The following ZFHX3 variants were observed in gnomAD, a reference collection of about 807,000 sequenced individuals.
The protein encoded by ZFHX3 is zinc finger homeobox protein 3.
ZFHX3 carries 42 observed loss-of-function variants against 279.1 expected under a neutral mutation model. That is an observed-to-expected ratio of 0.15 (90% CI 0.12 to 0.19). The LOEUF is 0.19. ZFHX3 is among the 10% of genes least tolerant of loss of function. The probability of loss-of-function intolerance (pLI) is 1.00; values close to 1 mark genes in which losing one functional copy is unlikely to be tolerated. For missense variants in ZFHX3, 4,981 were observed against 4,754.0 expected, an observed-to-expected ratio of 1.05 and a Z score of -1.40; for synonymous variants, 2,293 against 1,957.8, an observed-to-expected ratio of 1.17 and a Z score of -4.52.
rs188643029 is a variant in ZFHX3 at position 73,125,263 on chromosome 16, T to C, written c.-897+5705A>G. 8.9e-4 allele frequency: 130 copies of C among 146,250 alleles called. 1 individual carries two copies. The highest frequency in any genetic ancestry group is 3.0e-3 in the African/African-American group (116 of 39,108). 9.1% of individuals were successfully genotyped at this position (146,250 alleles called of 1,614,324 possible). ...ACTCATGGAGGAGGTCTGCTTTGAGTTGTGGCTTGGAGAGATGAAGAAAAT... is the reference window on the plus strand; with the variant it reads ...ACTCATGGAGGAGGTCTGCTTTGAGCTGTGGCTTGGAGAGATGAAGAAAAT... On this transcript the variant is annotated intron_variant, in intron 7 of 17. Transcript: ENST00000641206.
exon 1 of ZFHX3, chr16:73,058,912 C>A (rs899174102): frequency 5.1e-5 from 8 of 156,364 alleles, no homozygotes; most frequent in African/African-American, 1.6e-4. Context: ...AATTGGGATG[C>A]AAAGCAGGCG....
chr16:72,927,787 G>A (rs1472960758), intron 3 of ZFHX3, among the ~76,000 whole-genome samples: 1 of 152,044 alleles, frequency 6.6e-6, no homozygotes, highest in Non-Finnish European at 1.5e-5. Context: ...CCTCCGGAGT[G>A]TACACTAACC....
At chr16:73,547,210 G>A (rs895756813) in intron 2 of ZFHX3, among the ~76,000 whole-genome samples, 6 of 151,890 alleles carry the variant, frequency 4.0e-5, no homozygotes, top group African/African-American at 9.7e-5. Context: ...CCTGCACATC[G>A]GCTATGGTAC....
chr16:73,248,598 T>C (rs1452765082), intron 5 of ZFHX3, among the ~76,000 whole-genome samples: 2 of 151,590 alleles, frequency 1.3e-5, no homozygotes, highest in African/African-American at 4.9e-5. Flanking sequence ...TGTGTGTATG[T>C]CCTGTGTATG....
intron 5 of ZFHX3, among the ~76,000 whole-genome samples, chr16:73,215,651 G>A (rs146627534): frequency 6.6e-6 from 1 of 152,196 alleles, no homozygotes; most frequent in East Asian, 1.9e-4. Context: ...ACAAACTGCT[G>A]TGTTTTCTCC....
chr16:73,718,944 TC>T (rs1163170555), intron 1 of ZFHX3, among the ~76,000 whole-genome samples: 1 of 152,134 alleles, frequency 6.6e-6, no homozygotes, highest in Admixed American at 6.6e-5. Context: ...AAACCAGCCC[TC>T]CTCCGTCAGA....
At chr16:73,742,468 C>G (rs1330261344) in intron 1 of ZFHX3, among the ~76,000 whole-genome samples, 1 of 152,190 alleles carries the variant, frequency 6.6e-6, no homozygotes, top group Non-Finnish European at 1.5e-5. Context: ...TAGAAGATAA[C>G]TGGATGGGTG....
At chr16:72,929,285 T>C (rs1420962688) in intron 3 of ZFHX3, among the ~76,000 whole-genome samples, 2 of 151,462 alleles carry the variant, frequency 1.3e-5, no homozygotes, top group Non-Finnish European at 2.9e-5. Flanking sequence ...AAATTCTTAC[T>C]GCTTAACTCC....
In ZFHX3 at chr16:73,549,424, G is replaced by A. The variant is rs570538760; in HGVS notation, c.-1546-93166C>T. Among the ~76,000 whole-genome samples, 380 of 152,104 alleles carry A rather than the reference G, an allele frequency of 2.5e-3. 1 individual carries two copies. The highest frequency in any genetic ancestry group is 8.7e-3 in the African/African-American group (360 of 41,526). On this transcript the variant is annotated intron_variant, in intron 2 of 17. Transcript: ENST00000641206. Reference sequence around the variant, plus strand: ...TTTTCTTTAATGTCAGGAAGAAAACGGCAGTCATGATAGGAAGACAATATT... The same window carrying A: ...TTTTCTTTAATGTCAGGAAGAAAACAGCAGTCATGATAGGAAGACAATATT...
intron 4 of ZFHX3, among the ~76,000 whole-genome samples, chr16:73,271,897 A>G (rs780276183): frequency 6.6e-6 from 1 of 152,176 alleles, no homozygotes; most frequent in Admixed American, 6.5e-5. Flanking sequence ...GGGTTCTTAG[A>G]GGGGAGAGAC....
At chr16:73,662,333 C>T (rs1210188382) in intron 2 of ZFHX3, among the ~76,000 whole-genome samples, 5 of 152,086 alleles carry the variant, frequency 3.3e-5, no homozygotes, top group Admixed American at 2.6e-4. Context: ...TTTTTTCTCT[C>T]TCACGCAGAA....
At position 73,367,007 on chromosome 16, in the gene ZFHX3, G is replaced by A. The variant is rs72799424; in HGVS notation, c.-1290-48671C>T. Among the ~76,000 whole-genome samples, 1,143 of 151,846 alleles carry A rather than the reference G, an allele frequency of 7.5e-3. 3 individuals carry two copies. Among genetic ancestry groups the A allele is most frequent in the Middle Eastern group, 0.034 (10 of 294 alleles). On this transcript the variant is annotated intron_variant, in intron 3 of 17. Transcript: ENST00000641206. ...AGGACTTTGCTCTGCAGGATTCAAC[G>A]CTGACACACTCATACACACTCACAC...
At chr16:72,894,879 G>A (rs2038859505) in intron 3 of ZFHX3, among the ~76,000 whole-genome samples, 1 of 152,120 alleles carries the variant, frequency 6.6e-6, no homozygotes, top group Non-Finnish European at 1.5e-5. Flanking sequence ...TGGGGAGGAG[G>A]GCAACCGGGT....
intron 1 of ZFHX3, among the ~76,000 whole-genome samples, chr16:73,716,226 GA>G (rs34934915): frequency 0.72 from 108,431 of 150,924 alleles, 39,363 homozygotes; most frequent in East Asian, 0.8. Flanking sequence ...TAAACTTACA[GA>G]AAAAAAAAAT....
At chr16:73,026,408 A>T (rs1038865183) in intron 1 of ZFHX3, among the ~76,000 whole-genome samples, 2 of 151,940 alleles carry the variant, frequency 1.3e-5, no homozygotes, top group African/African-American at 4.8e-5. Flanking sequence ...ATAGTGGCTC[A>T]CGCCTGTAAT....
intron 2 of ZFHX3, among the ~76,000 whole-genome samples, chr16:73,598,610 G>C (rs1020127975): frequency 6.6e-6 from 1 of 151,968 alleles, no homozygotes; most frequent in Non-Finnish European, 1.5e-5. Context: ...TGTAGAGTCA[G>C]AGTCTCTCTG....
At chr16:73,486,372 AC>A (rs1295473775) in intron 2 of ZFHX3, among the ~76,000 whole-genome samples, 1 of 152,168 alleles carries the variant, frequency 6.6e-6, no homozygotes, top group Non-Finnish European at 1.5e-5. Flanking sequence ...GCCTGCTCCC[AC>A]CCTGTGGAGT....
At chr16:73,448,684 ACGTGTGTG>A (rs1292389216) in intron 3 of ZFHX3, among the ~76,000 whole-genome samples, 6 of 66,894 alleles carry the variant, frequency 9.0e-5, no homozygotes, top group African/African-American at 1.9e-4. Context: ...ATATTTATAT[ACGTGTGTG>A]TGTGTGTGTG....
chr16:73,745,961 C>G (rs1255516627), intron 1 of ZFHX3, among the ~76,000 whole-genome samples: 1 of 152,178 alleles, frequency 6.6e-6, no homozygotes, highest in Admixed American at 6.5e-5. Context: ...GCACAGGACT[C>G]TCATACTTTC....
Sources: gnomAD v4.1 joint callset for allele counts (sites outside exome capture counted in the v4.1 genomes callset) on GRCh38, gnomAD v4.1.1 for gene constraint, MANE v1.5 for transcripts, NCBI Gene and HGNC (gene_info 2026-07-23, HGNC 2026-07-21) for gene names.